Variants in RBMS3 observed in about 807,000 individuals in gnomAD.
The protein encoded by RBMS3 is RNA-binding motif, single-stranded-interacting protein 3.
Under a neutral mutation model 66.8 loss-of-function variants are expected in RBMS3, and 27 were observed. The observed-to-expected ratio is 0.40, with a 90% CI of 0.30 to 0.56. RBMS3 has a LOEUF of 0.56. Ranked by LOEUF, RBMS3 falls within the 20% of genes least tolerant of loss-of-function variation. The pLI is 0.40. For synonymous variants in RBMS3, 188 were observed against 183.0 expected (o/e 1.03, Z -0.22); for missense variants, 513 against 549.5 (o/e 0.93, Z 0.66).
intron 12 of RBMS3, among the ~76,000 whole-genome samples, chr3:29,970,474 G>A (rs971199922): frequency 5.9e-5 from 9 of 151,726 alleles, no homozygotes; most frequent in East Asian, 3.9e-4. Context: ...ATTCTTACAC[G>A]CCTCTCTTAA....
intron 1 of RBMS3, among the ~76,000 whole-genome samples, chr3:29,375,109 GA>G (rs1210357408): frequency 6.6e-6 from 1 of 152,150 alleles, no homozygotes; most frequent in Non-Finnish European, 1.5e-5. Flanking sequence ...AAGCAATAGG[GA>G]AAGGATTTCT....
At chr3:29,519,406 T>C (rs917766231) in intron 3 of RBMS3, among the ~76,000 whole-genome samples, 2 of 152,128 alleles carry the variant, frequency 1.3e-5, no homozygotes, top group Non-Finnish European at 2.9e-5. Context: ...GGAAGGAGCC[T>C]AGAACGACCT....
At chr3:29,669,676 A>AT (rs2050913370) in intron 4 of RBMS3, among the ~76,000 whole-genome samples, 2 of 152,036 alleles carry the variant, frequency 1.3e-5, no homozygotes, top group East Asian at 3.9e-4. Flanking sequence ...TCCATGGGTG[A>AT]TTTTTTTCAG....
intron 6 of RBMS3, among the ~76,000 whole-genome samples, chr3:29,764,026 T>C (rs12715161): frequency 0.48 from 72,707 of 151,858 alleles, 18,064 homozygotes; most frequent in African/African-American, 0.61. Context: ...TTGAGCATTT[T>C]AGTTCCTTAA....
At position 29,997,551 on chromosome 3, in the gene RBMS3, A is replaced by G. The variant is rs987118757; in HGVS notation, c.1308-6305A>G. Among the ~76,000 whole-genome samples, 46 of 150,730 alleles carry G rather than the reference A, an allele frequency of 3.1e-4. 1 individual carries two copies. Among genetic ancestry groups the G allele is most frequent in the Admixed American group, 2.8e-3 (42 of 15,064 alleles). On this transcript the variant is annotated intron_variant, in intron 14 of 14. Transcript: ENST00000383767. ...ACTGGCAAAACGAATCCAGCAGCAC[A>G]TCAAAAAGCTTATCCACCATGATCA...
chr3:29,890,347 A>G (rs1464673588), intron 8 of RBMS3, among the ~76,000 whole-genome samples: 1 of 151,638 alleles, frequency 6.6e-6, no homozygotes, highest in East Asian at 1.9e-4. Context: ...AAGTGTCCAT[A>G]ATAAAGTATA....
chr3:30,000,063 G>C (rs1699512976), intron 14 of RBMS3, among the ~76,000 whole-genome samples: 1 of 151,930 alleles, frequency 6.6e-6, no homozygotes. Context: ...TTAAACTAAA[G>C]AACTTCTGCA....
At chr3:29,650,775 G>C (rs1310770793) in intron 4 of RBMS3, among the ~76,000 whole-genome samples, 2 of 152,056 alleles carry the variant, frequency 1.3e-5, no homozygotes, top group African/African-American at 2.4e-5. Context: ...TAATCTTTCA[G>C]GTATGTTAGC....
chr3:29,548,907 C>T (rs1014364187), intron 3 of RBMS3, among the ~76,000 whole-genome samples: 1 of 151,708 alleles, frequency 6.6e-6, no homozygotes, highest in Non-Finnish European at 1.5e-5. Flanking sequence ...TCACAGTAAA[C>T]CTAATTCTCA....
At chr3:29,969,871 C>A (rs998298763) in intron 12 of RBMS3, among the ~76,000 whole-genome samples, 11 of 152,134 alleles carry the variant, frequency 7.2e-5, no homozygotes, top group African/African-American at 2.7e-4. Context: ...TCATATCCTT[C>A]TGTCTATAGT....
At chr3:29,741,017 G>C (rs1244176988) in intron 5 of RBMS3, among the ~76,000 whole-genome samples, 1 of 150,224 alleles carries the variant, frequency 6.7e-6, no homozygotes. Context: ...CTCCAGCCTG[G>C]GCAACACAGC....
intron 2 of RBMS3, among the ~76,000 whole-genome samples, chr3:29,450,089 C>T (rs140989916): frequency 2.0e-5 from 3 of 152,320 alleles, no homozygotes; most frequent in Non-Finnish European, 4.4e-5. Flanking sequence ...AAACAAACTA[C>T]AGCGGGCCTA....
At chr3:29,918,500 C>T (rs1392472656) in intron 10 of RBMS3, among the ~76,000 whole-genome samples, 6 of 151,944 alleles carry the variant, frequency 3.9e-5, no homozygotes, top group South Asian at 4.2e-4. Context: ...CCAAATGTAC[C>T]GTAATTTAAT....
At chr3:29,723,654 T>C (rs534166008) in intron 4 of RBMS3, among the ~76,000 whole-genome samples, 3 of 152,316 alleles carry the variant, frequency 2.0e-5, no homozygotes, top group African/African-American at 7.2e-5. Context: ...CAGAATCTGT[T>C]GCTGTTTCGA....
At chr3:29,995,537 G>A (rs1167406298) in intron 14 of RBMS3, among the ~76,000 whole-genome samples, 1 of 150,444 alleles carries the variant, frequency 6.6e-6, no homozygotes, top group Non-Finnish European at 1.5e-5. Context: ...ACCCTCAAAG[G>A]GAAGCCCATC....
chr3:29,525,329 C>T (rs1296571730), intron 3 of RBMS3, among the ~76,000 whole-genome samples: 3 of 152,066 alleles, frequency 2.0e-5, no homozygotes, highest in Non-Finnish European at 2.9e-5. Flanking sequence ...TTTTTTTATT[C>T]TGGCTCTGGC....
At chr3:29,310,421 T>A (rs560265257) in intron 1 of RBMS3, among the ~76,000 whole-genome samples, 4 of 151,696 alleles carry the variant, frequency 2.6e-5, no homozygotes, top group Non-Finnish European at 4.4e-5. Flanking sequence ...TGTTATTAAA[T>A]GCATGGGAAT....
In RBMS3 at chr3:29,488,513, C is replaced by T. The variant is rs770430394; in HGVS notation, c.307+14C>T. 4.4e-5 allele frequency: 71 copies of T among 1,602,924 alleles called. No individual in the cohort carries two copies. The highest frequency in any genetic ancestry group is 6.1e-5 in the Non-Finnish European group (71 of 1,170,902). The stretch of plus-strand genomic sequence containing the variant: ...ATCAGTGCAAAGGTATGTGTAAGGG[C>T]ATCCGTACCCTGAAATCTTGCCTAT... On this transcript the variant is annotated intron_variant, in intron 3 of 14. Coordinates refer to ENST00000383767, the MANE Select transcript of RBMS3 (RefSeq NM_001003793.3).
chr3:29,770,605 G>T (rs2056158824), intron 6 of RBMS3, among the ~76,000 whole-genome samples: 1 of 151,876 alleles, frequency 6.6e-6, no homozygotes, highest in South Asian at 2.1e-4. Context: ...CTAAAATACT[G>T]ACTCCATTCA....
Sources: gnomAD v4.1 joint callset for allele counts (sites outside exome capture counted in the v4.1 genomes callset) on GRCh38, gnomAD v4.1.1 for gene constraint, MANE v1.5 for transcripts, NCBI Gene and HGNC (gene_info 2026-07-23, HGNC 2026-07-21) for gene names.